The following SPATA16 variants were observed in gnomAD, a reference collection of about 807,000 sequenced individuals.
The protein encoded by SPATA16 is spermatogenesis-associated protein 16.
A neutral mutation model predicts 63.3 loss-of-function variants in SPATA16; 36 were observed. The observed-to-expected ratio is 0.57, with a 90% CI of 0.44 to 0.75. The LOEUF is 0.75. SPATA16 is among the 30% of genes least tolerant of loss of function. The probability of loss-of-function intolerance (pLI) is 0.00; values close to 1 mark genes in which losing one functional copy is unlikely to be tolerated. For synonymous variants in SPATA16, 203 were observed against 216.7 expected (o/e 0.94, Z 0.56); for missense variants, 646 against 679.3 (o/e 0.95, Z 0.54).
intron 2 of SPATA16, among the ~76,000 whole-genome samples, chr3:173,049,382 A>G (rs979832812): frequency 6.6e-6 from 1 of 152,162 alleles, no homozygotes; most frequent in Non-Finnish European, 1.5e-5. Context: ...AAATATTTTA[A>G]AAGTATGATA....
chr3:173,067,479 T>C (rs1194600886), intron 2 of SPATA16, among the ~76,000 whole-genome samples: 1 of 152,154 alleles, frequency 6.6e-6, no homozygotes, highest in African/African-American at 2.4e-5. Flanking sequence ...ATTGAAAAAC[T>C]ACCTGTTGTG....
intron 1 of SPATA16, among the ~76,000 whole-genome samples, chr3:173,131,965 T>TA (rs1047478549): frequency 9.1e-4 from 137 of 150,578 alleles, no homozygotes; most frequent in Middle Eastern, 3.4e-3. Flanking sequence ...AGATAACAAT[T>TA]AAAAAAAAAC....
chr3:173,138,760 G>A (rs905350481), intron 1 of SPATA16, among the ~76,000 whole-genome samples: 2 of 152,062 alleles, frequency 1.3e-5, no homozygotes, highest in African/African-American at 4.8e-5. Flanking sequence ...ACTCATAAAG[G>A]TTAAAGAGAC....
chr3:172,978,141 C>T (rs1734209879), intron 4 of SPATA16, among the ~76,000 whole-genome samples: 1 of 144,766 alleles, frequency 6.9e-6, no homozygotes, highest in African/African-American at 2.6e-5. Flanking sequence ...CTCTCTCCCT[C>T]TCTCTCTCTC....
chr3:173,085,911 G>A (rs1256579792), intron 2 of SPATA16, among the ~76,000 whole-genome samples: 1 of 152,136 alleles, frequency 6.6e-6, no homozygotes, highest in Non-Finnish European at 1.5e-5. Flanking sequence ...GCTGGATTCA[G>A]TTTGCCAGGA....
chr3:173,017,344 T>C (rs1201508295), intron 4 of SPATA16, among the ~76,000 whole-genome samples: 1 of 152,196 alleles, frequency 6.6e-6, no homozygotes, highest in Admixed American at 6.5e-5. Flanking sequence ...TATACCTAAT[T>C]CAGTATACAT....
chr3:173,055,431 A>G (rs1206221845), intron 2 of SPATA16, among the ~76,000 whole-genome samples: 1 of 152,248 alleles, frequency 6.6e-6, no homozygotes, highest in Non-Finnish European at 1.5e-5. Flanking sequence ...TACTAAGACC[A>G]CTACTTTACA....
intron 4 of SPATA16, among the ~76,000 whole-genome samples, chr3:173,008,403 C>G (rs909640574): frequency 1.3e-5 from 2 of 151,902 alleles, no homozygotes; most frequent in African/African-American, 4.8e-5. Flanking sequence ...CTGTGGGATC[C>G]GCAGCTCAGA....
intron 2 of SPATA16, among the ~76,000 whole-genome samples, chr3:173,108,782 T>C (rs1429893576): frequency 6.6e-6 from 1 of 152,214 alleles, no homozygotes; most frequent in African/African-American, 2.4e-5. Context: ...TTTCTATGAT[T>C]AGATACACAA....
chr3:172,958,056 G>T (rs1733642141), intron 5 of SPATA16, among the ~76,000 whole-genome samples: 1 of 152,196 alleles, frequency 6.6e-6, no homozygotes, highest in South Asian at 2.1e-4. Flanking sequence ...CAAACTATTG[G>T]ATAATTGAAT....
chr3:173,096,533 A>G (rs1376468068), intron 2 of SPATA16, among the ~76,000 whole-genome samples: 1 of 152,132 alleles, frequency 6.6e-6, no homozygotes, highest in Non-Finnish European at 1.5e-5. Flanking sequence ...GATTGTCTAA[A>G]CCTATTATTT....
chr3:172,946,397 C>T (rs1733289285), intron 6 of SPATA16, among the ~76,000 whole-genome samples: 1 of 152,162 alleles, frequency 6.6e-6, no homozygotes, highest in East Asian at 1.9e-4. Context: ...CTGTGGTCCC[C>T]AGTTTCAGGC....
intron 2 of SPATA16, among the ~76,000 whole-genome samples, chr3:173,077,485 TAG>T (rs1217978154): frequency 6.6e-6 from 1 of 152,186 alleles, no homozygotes; most frequent in Non-Finnish European, 1.5e-5. Context: ...CATTCCTCCA[TAG>T]GAGGATAAAA....
intron 2 of SPATA16, among the ~76,000 whole-genome samples, chr3:173,076,877 G>A (rs553423117): frequency 3.5e-4 from 54 of 152,204 alleles, no homozygotes; most frequent in African/African-American, 1.2e-3. Context: ...TGCTTGGCCA[G>A]GAAGTGCATG....
chr3:172,899,973 A>T (rs1457239910), intron 10 of SPATA16, among the ~76,000 whole-genome samples: 1 of 152,196 alleles, frequency 6.6e-6, no homozygotes, highest in Non-Finnish European at 1.5e-5. Flanking sequence ...CCCACCAAAC[A>T]TGATGAAGAG....
intron 2 of SPATA16, among the ~76,000 whole-genome samples, chr3:173,096,279 G>A (rs571135222): frequency 1.3e-5 from 2 of 152,120 alleles, no homozygotes; most frequent in African/African-American, 4.8e-5. Context: ...AATTAAAAGG[G>A]GAAGTCATTT....
At chr3:172,964,766 T>C (rs945579789) in intron 5 of SPATA16, among the ~76,000 whole-genome samples, 2 of 152,154 alleles carry the variant, frequency 1.3e-5, no homozygotes, top group Non-Finnish European at 2.9e-5. Context: ...AATGGCAGGG[T>C]TGGGACAAAG....
intron 1 of SPATA16, among the ~76,000 whole-genome samples, chr3:173,137,258 C>T (rs761141888): frequency 6.6e-6 from 1 of 152,132 alleles, no homozygotes; most frequent in Non-Finnish European, 1.5e-5. Flanking sequence ...CAAATGGCAC[C>T]TCCCGCCCAT....
intron 6 of SPATA16, among the ~76,000 whole-genome samples, chr3:172,925,843 T>A (rs111870605): frequency 5.9e-5 from 9 of 152,126 alleles, no homozygotes; most frequent in Admixed American, 4.6e-4. Context: ...TCTTTTTTTT[T>A]AGATGGAGTC....
Sources: allele counts gnomAD v4.1 joint callset (sites outside exome capture counted in the v4.1 genomes callset), GRCh38; gene constraint gnomAD v4.1.1; transcripts MANE v1.5; gene names NCBI Gene and HGNC (gene_info 2026-07-23, HGNC 2026-07-21).